Variants in EEPD1 observed in about 807,000 individuals in gnomAD.
EEPD1 encodes the protein endonuclease/exonuclease/phosphatase family domain-containing protein 1.
Under a neutral mutation model 46.3 loss-of-function variants are expected in EEPD1, and 17 were observed. The observed-to-expected ratio is 0.37, with a 90% CI of 0.25 to 0.55. EEPD1 has a LOEUF of 0.55. Ranked by LOEUF, EEPD1 falls within the 20% of genes least tolerant of loss-of-function variation. The pLI is 0.83. For synonymous variants in EEPD1, 313 were observed against 315.6 expected, an observed-to-expected ratio of 0.99 and a Z score of 0.09; for missense variants, 673 against 745.6, an observed-to-expected ratio of 0.90 and a Z score of 1.13.
At chr7:36,160,312 A>G (rs6973372) in intron 2 of EEPD1, among the ~76,000 whole-genome samples, 41,785 of 152,186 alleles carry the variant, frequency 0.27, 5,839 homozygotes, top group African/African-American at 0.33. Flanking sequence ...ACACACATCA[A>G]TCATTACAGA....
chr7:36,209,155 G>C (rs1257648582), intron 2 of EEPD1, among the ~76,000 whole-genome samples: 4 of 152,200 alleles, frequency 2.6e-5, no homozygotes, highest in Non-Finnish European at 5.9e-5. Flanking sequence ...ATGGTACTGG[G>C]CATGTGGTAA....
At chr7:36,270,118 GTA>G (rs1036297436) in intron 3 of EEPD1, among the ~76,000 whole-genome samples, 1 of 152,150 alleles carries the variant, frequency 6.6e-6, no homozygotes, top group Non-Finnish European at 1.5e-5. Flanking sequence ...ATATGTGTGT[GTA>G]TGTGTGTGTA....
At chr7:36,273,162 T>A (rs13308101) in intron 3 of EEPD1, among the ~76,000 whole-genome samples, 93 of 118,532 alleles carry the variant, frequency 7.8e-4, no homozygotes, top group Non-Finnish European at 1.5e-3. Flanking sequence ...ACACACACAC[T>A]CACGGGTCGA....
intron 2 of EEPD1, among the ~76,000 whole-genome samples, chr7:36,165,573 C>T (rs1167880164): frequency 9.5e-6 from 1 of 105,086 alleles, no homozygotes; most frequent in African/African-American, 3.2e-5. Flanking sequence ...GCACCTGCCA[C>T]CACGCCCCAG....
intron 2 of EEPD1, among the ~76,000 whole-genome samples, chr7:36,205,475 T>G (rs1486332745): frequency 6.6e-6 from 1 of 152,218 alleles, no homozygotes; most frequent in African/African-American, 2.4e-5. Flanking sequence ...GCCCACATTT[T>G]AGGTGGGAGA....
intron 2 of EEPD1, among the ~76,000 whole-genome samples, chr7:36,175,319 C>A (rs1785159023): frequency 6.6e-6 from 1 of 152,238 alleles, no homozygotes; most frequent in South Asian, 2.1e-4. Context: ...CGGCCTCGAA[C>A]TCCTGGGCTT....
At position 36,190,395 on chromosome 7, in the gene EEPD1, T is replaced by A. The variant is rs563273240; in HGVS notation, c.878+35193T>A. 1.5e-4 allele frequency among the ~76,000 whole-genome samples: 23 copies of A among 152,158 alleles called. 1 individual carries two copies. The South Asian group carries it at 4.8e-3, about 32-fold the overall frequency. ...TCAAACAAACAAATATAACACATGG[T>A]GAGATACTAACTATGGATTCCAGTT... is the stretch of plus-strand genomic sequence containing the variant. On this transcript the variant is annotated intron_variant, in intron 2 of 7. Coordinates refer to ENST00000242108, the MANE Select transcript of EEPD1 (RefSeq NM_030636.3).
intron 3 of EEPD1, among the ~76,000 whole-genome samples, chr7:36,244,273 AG>A (rs1693234731): frequency 1.3e-5 from 2 of 152,126 alleles, no homozygotes; most frequent in South Asian, 4.1e-4. Flanking sequence ...GGACCTGCAC[AG>A]GCCTCCTCTT....
chr7:36,179,676 A>G (rs1785238825), intron 2 of EEPD1, among the ~76,000 whole-genome samples: 1 of 148,028 alleles, frequency 6.8e-6, no homozygotes, highest in East Asian at 2.0e-4. Context: ...CCTGGCCAAC[A>G]TGGTAAAACC....
chr7:36,195,929 T>C (rs1298256712), intron 2 of EEPD1, among the ~76,000 whole-genome samples: 1 of 152,242 alleles, frequency 6.6e-6, no homozygotes. Context: ...GATTTCTTCA[T>C]TGTGCAAACA....
At chr7:36,276,283 G>A (rs766729573) in intron 3 of EEPD1, among the ~76,000 whole-genome samples, 2 of 152,176 alleles carry the variant, frequency 1.3e-5, no homozygotes, top group Non-Finnish European at 2.9e-5. Context: ...TGCCATCTCT[G>A]GTCGTCTTCA....
At chr7:36,276,532 A>G (rs1480543841) in intron 3 of EEPD1, among the ~76,000 whole-genome samples, 1 of 152,150 alleles carries the variant, frequency 6.6e-6, no homozygotes, top group Admixed American at 6.5e-5. Flanking sequence ...TTACCTCACA[A>G]GGTTATCTGT....
At chr7:36,293,452 T>A (rs1270818291) in intron 6 of EEPD1, among the ~76,000 whole-genome samples, 1 of 152,060 alleles carries the variant, frequency 6.6e-6, no homozygotes, top group Non-Finnish European at 1.5e-5. Flanking sequence ...CCACCGGAGA[T>A]GCTAAATCAG....
intron 2 of EEPD1, among the ~76,000 whole-genome samples, chr7:36,202,988 A>G (rs928039782): frequency 6.6e-6 from 1 of 152,102 alleles, no homozygotes; most frequent in African/African-American, 2.4e-5. Context: ...GGCTCCTTCC[A>G]GCATCTGTGT....
intron 2 of EEPD1, among the ~76,000 whole-genome samples, chr7:36,211,108 A>G (rs146566513): frequency 7.4e-4 from 113 of 152,276 alleles, no homozygotes; most frequent in African/African-American, 2.4e-3. Context: ...TGCTTGTTCA[A>G]CCTTCATTCA....
At chr7:36,171,658 A>G (rs984879780) in intron 2 of EEPD1, among the ~76,000 whole-genome samples, 5 of 152,166 alleles carry the variant, frequency 3.3e-5, no homozygotes. Flanking sequence ...TTCAAAATAG[A>G]TCTTTATCTT....
intron 2 of EEPD1, among the ~76,000 whole-genome samples, chr7:36,207,916 TA>T (rs1785851344): frequency 7.1e-6 from 1 of 140,426 alleles, no homozygotes; most frequent in African/African-American, 2.7e-5. Context: ...TTTTTTAACC[TA>T]GACAGGGAGC....
chr7:36,219,798 A>AGTGTGTGTGTGT (rs1443373734), intron 2 of EEPD1, among the ~76,000 whole-genome samples: 1 of 76,964 alleles, frequency 1.3e-5, no homozygotes, highest in South Asian at 5.3e-4. Context: ...AGAGAGAGAG[A>AGTGTGTGTGTGT]GAGAGAGAGT....
rs573254715 is a variant in EEPD1 at position 36,286,754 on chromosome 7, T to C, written c.1177-885T>C. 3.3e-5 allele frequency among the ~76,000 whole-genome samples: 5 copies of C among 152,152 alleles called. No homozygotes were observed. The South Asian group carries it at 8.3e-4, about 25-fold the overall frequency. On this transcript the variant is annotated intron_variant, in intron 5 of 7. Coordinates refer to ENST00000242108, the MANE Select transcript of EEPD1 (RefSeq NM_030636.3). ...AGGAGGAGGAGGCACATCCCAGCGG[T>C]GGGTCCTGGCAGGAGACCTCAGGCT... is the stretch of plus-strand genomic sequence containing the variant.
Sources: gnomAD v4.1 joint callset for allele counts (sites outside exome capture counted in the v4.1 genomes callset) on GRCh38, gnomAD v4.1.1 for gene constraint, MANE v1.5 for transcripts, NCBI Gene and HGNC (gene_info 2026-07-23, HGNC 2026-07-21) for gene names.